GSR: variants seen among roughly 807,000 people sequenced by gnomAD.
The protein encoded by GSR is glutathione reductase, mitochondrial.
A neutral mutation model predicts 56.5 loss-of-function variants in GSR; 48 were observed. The ratio of observed to expected loss-of-function variants is 0.85; its 90% CI spans 0.67 to 1.08. GSR has a LOEUF of 1.08. Ranked by LOEUF, GSR falls within the 50% of genes least tolerant of loss-of-function variation. The probability of loss-of-function intolerance (pLI) is 0.00; values close to 1 mark genes in which losing one functional copy is unlikely to be tolerated. For synonymous variants in GSR, 264 were observed against 270.8 expected (o/e 0.97, Z 0.25); for missense variants, 694 against 703.3 (o/e 0.99, Z 0.15).
intron 8 of GSR, among the ~76,000 whole-genome samples, chr8:30,692,703 T>C (rs1474805403): frequency 6.6e-6 from 1 of 151,716 alleles, no homozygotes; most frequent in Non-Finnish European, 1.5e-5. Flanking sequence ...GGTTTCACCA[T>C]GTTGGCCAGG....
chr8:30,727,493 G>C, intron 1 of GSR, 37 bp downstream of exon 1: 3 of 1,519,854 alleles, frequency 2.0e-6, no homozygotes, highest in South Asian at 2.4e-5. Flanking sequence ...CCGAGACAAA[G>C]AGGCGCCCCC....
intron 7 of GSR, among the ~76,000 whole-genome samples, chr8:30,693,818 C>T (rs959255334): frequency 2.0e-5 from 3 of 152,134 alleles, no homozygotes; most frequent in Admixed American, 6.6e-5. Context: ...TGTGAGCCAC[C>T]ATGCCCACCC....
Position 30,727,519 on chromosome 8 carries a change from G to C in GSR, c.306+11C>G. On this transcript the variant is annotated intron_variant, in intron 1 of 12. Coordinates refer to ENST00000221130, the MANE Select transcript of GSR (RefSeq NM_000637.5). ...AGGCGCCCCCCGCCCGAACAAACCGGCGGTACTCACGCAAGTGCCACCCAG... is the reference window on the plus strand; with the variant it reads ...AGGCGCCCCCCGCCCGAACAAACCGCCGGTACTCACGCAAGTGCCACCCAG... 6.5e-7 allele frequency: 1 copy of C among 1,536,592 alleles called. No individual in the cohort carries two copies. Among genetic ancestry groups the C allele is most frequent in the Non-Finnish European group, 8.7e-7 (1 of 1,144,418 alleles).
At chr8:30,698,085 G>A (rs1404292502) in intron 6 of GSR, among the ~76,000 whole-genome samples, 7 of 152,010 alleles carry the variant, frequency 4.6e-5, no homozygotes, top group African/African-American at 1.7e-4. Context: ...ATTCCACAAG[G>A]TTCATGCTCC....
chr8:30,708,890 C>T lies in GSR; in HGVS notation c.423-749G>A, dbSNP rs772702181. On this transcript the variant is annotated intron_variant, in intron 3 of 12. Transcript: ENST00000221130. ...AGGAGAATGGCGTGAACCCGGTAGG[C>T]GGAGCGTGCAGTGAGCCGAGATCGC... Among the ~76,000 whole-genome samples the T allele has an allele frequency of 3.5e-5, 5 of 143,504 alleles. No homozygotes were observed. In the East Asian group the frequency reaches 8.8e-4, roughly 25 times the overall value. 94.1% of individuals were successfully genotyped at this position (143,504 alleles called of 152,430 possible). A position where few individuals can be genotyped will look rare whatever the true frequency, so the allele number is the denominator to read the frequency against.
chr8:30,725,985 G>A (rs911235450), intron 1 of GSR, among the ~76,000 whole-genome samples: 12 of 152,106 alleles, frequency 7.9e-5, no homozygotes, highest in African/African-American at 2.7e-4. Context: ...GAGAAAATGT[G>A]GAGAGCAGAA....
chr8:30,711,796 G>C (rs1804152560), intron 2 of GSR, among the ~76,000 whole-genome samples: 1 of 151,990 alleles, frequency 6.6e-6, no homozygotes, highest in African/African-American at 2.4e-5. Context: ...TCGCGCCACT[G>C]TACTCTAGCC....
chr8:30,689,808 T>A (rs28653003), intron 8 of GSR, among the ~76,000 whole-genome samples: 4 of 143,600 alleles, frequency 2.8e-5, no homozygotes, highest in African/African-American at 1.0e-4. Context: ...TATTTATATA[T>A]AAATATATTT....
intron 6 of GSR, 48 bp downstream of exon 6, chr8:30,700,033 A>T: frequency 7.3e-7 from 1 of 1,365,690 alleles, no homozygotes; most frequent in Non-Finnish European, 1.0e-6. Flanking sequence ...AGTTACCAGG[A>T]GACAGTAAGG....
At chr8:30,724,914 G>A (rs1804675883) in intron 1 of GSR, among the ~76,000 whole-genome samples, 1 of 152,214 alleles carries the variant, frequency 6.6e-6, no homozygotes, top group South Asian at 2.1e-4. Flanking sequence ...AGCAGGAGTA[G>A]AGGAGATAAG....
Position 30,684,398 on chromosome 8 carries a change from C to T in GSR, c.1042-199G>A, listed in dbSNP as rs1465477. ...GGGTACAGTGGGCCCACACCTGTAA[C>T]CCCAGAACTTTGAGAAGCCGAAGAG... On this transcript the variant is annotated intron_variant, in intron 9 of 12. Transcript: ENST00000221130. Among the ~76,000 whole-genome samples the T allele has an allele frequency of 0.76, 115,645 of 151,894 alleles. 44,283 individuals carry two copies. Among genetic ancestry groups the T allele is most frequent in the East Asian group, 0.9 (4,670 of 5,174 alleles).
At chr8:30,691,867 G>A (rs1803389095) in intron 8 of GSR, among the ~76,000 whole-genome samples, 1 of 151,972 alleles carries the variant, frequency 6.6e-6, no homozygotes, top group Non-Finnish European at 1.5e-5. Context: ...GGGAGGCCAA[G>A]GTGGGCAGAT....
In GSR at chr8:30,727,533, A is replaced by C; in HGVS notation, c.303T>G (p.Thr101=). ...CGAACAAACCGGCGGTACTCACGCAAGTGCCACCCAGCTTGTGGCTCTCCA... is the reference window on the plus strand; with the variant it reads ...CGAACAAACCGGCGGTACTCACGCACGTGCCACCCAGCTTGTGGCTCTCCA... ...AVVESHKLGG[T]CVNVGCVPKK... is the part of the protein sequence containing the mutation. The change falls in exon 1 of 13, where the codon ACT becomes ACG. Residue 101 remains threonine, a synonymous_variant. Transcript: ENST00000221130. The C allele has an allele frequency of 6.5e-7, 1 of 1,537,358 alleles. No individual in the cohort carries two copies.
Position 30,680,928 on chromosome 8 carries a change from C to T in GSR, c.1395G>A (p.Met465Ile). 1 of 1,613,722 alleles carries T rather than the reference C, an allele frequency of 6.2e-7. No individual in the cohort carries two copies. The highest frequency in any genetic ancestry group is 2.2e-5 in the East Asian group (1 of 44,856). Residue 465 changes from methionine (M) to isoleucine (I), a missense_variant, in exon 12 of 13, where the codon ATG becomes ATA. Transcript: ENST00000221130. ...CCTTTTCTTCCTTGTTAGCACAGAC[C>T]ATTTTCATCACACATTTTGTTTTCC... ...TKRKTKCVMK[M>I]VCANKEEKVV...
At chr8:30,682,176 C>A (rs1477700417) in intron 10 of GSR, 115 bp from the exon 11 acceptor site, 1 of 863,908 alleles carries the variant, frequency 1.2e-6, no homozygotes, top group Non-Finnish European at 2.0e-6. Flanking sequence ...CAGTTTCACA[C>A]CATTGTTCAT....
chr8:30,703,619 C>T (rs777711971), intron 4 of GSR, among the ~76,000 whole-genome samples: 1 of 151,908 alleles, frequency 6.6e-6, no homozygotes, highest in Non-Finnish European at 1.5e-5. Flanking sequence ...TGGTGCTGCA[C>T]ACCTGTAGTC....
At chr8:30,715,346 A>G (rs548619838) in intron 1 of GSR, among the ~76,000 whole-genome samples, 1 of 152,088 alleles carries the variant, frequency 6.6e-6, no homozygotes, top group South Asian at 2.1e-4. Context: ...GTGCCCTTTC[A>G]TCTGGCCAAG....
chr8:30,726,883 G>C (rs992314851), intron 1 of GSR: 1 of 152,166 alleles, frequency 6.6e-6, no homozygotes, highest in Non-Finnish European at 1.5e-5. Flanking sequence ...CAAAAGCTCT[G>C]AGAACTCACC....
At chr8:30,727,277 C>T (rs1425066668) in intron 1 of GSR, among the ~76,000 whole-genome samples, 1 of 152,234 alleles carries the variant, frequency 6.6e-6, no homozygotes, top group Non-Finnish European at 1.5e-5. Context: ...TCTAACCCGC[C>T]CCGGCCCTGG....
Sources: gnomAD v4.1 joint callset for allele counts (sites outside exome capture counted in the v4.1 genomes callset) on GRCh38, gnomAD v4.1.1 for gene constraint, MANE v1.5 for transcripts, NCBI Gene and HGNC (gene_info 2026-07-23, HGNC 2026-07-21) for gene names.